The following HINT3 variants were observed in gnomAD, a reference collection of about 807,000 sequenced individuals.
HINT3 encodes adenosine 5'-monophosphoramidase HINT3.
HINT3 carries 16 observed loss-of-function variants against 19.1 expected under a neutral mutation model. The observed-to-expected ratio is 0.84, with a 90% CI of 0.57 to 1.27. The LOEUF is 1.27. HINT3 is among the 50% of genes most tolerant of loss of function. The probability of loss-of-function intolerance (pLI) is 0.00; values close to 1 mark genes in which losing one functional copy is unlikely to be tolerated. For missense variants in HINT3, 197 were observed against 225.8 expected, an observed-to-expected ratio of 0.87 and a Z score of 0.82; for synonymous variants, 75 against 84.8, an observed-to-expected ratio of 0.88 and a Z score of 0.63.
intron 1 of HINT3, 43 bp downstream of exon 1, chr6:125,957,221 G>T: frequency 2.0e-6 from 3 of 1,502,530 alleles, no homozygotes; most frequent in Non-Finnish European, 8.9e-7. Flanking sequence ...GGACCTGGCC[G>T]CCCCTCGGAG....
intron 1 of HINT3, among the ~76,000 whole-genome samples, chr6:125,965,666 C>G (rs1156828681): frequency 2.0e-5 from 3 of 151,950 alleles, no homozygotes; most frequent in Admixed American, 6.6e-5. Flanking sequence ...GTGGGAGGAT[C>G]AACTGAGCTC....
intron 3 of HINT3, among the ~76,000 whole-genome samples, chr6:125,974,213 G>C (rs1042165409): frequency 4.4e-4 from 67 of 152,170 alleles, no homozygotes; most frequent in African/African-American, 1.6e-3. Context: ...TTATTTTTAA[G>C]AGTTTAAATC....
chr6:125,973,393 A>G (rs1341396901), intron 3 of HINT3, among the ~76,000 whole-genome samples: 2 of 151,980 alleles, frequency 1.3e-5, no homozygotes, highest in Non-Finnish European at 2.9e-5. Flanking sequence ...CAAATGTTTT[A>G]ATTTGTCTAA....
chr6:125,973,420 T>C (rs1304015937), intron 3 of HINT3, among the ~76,000 whole-genome samples: 1 of 152,148 alleles, frequency 6.6e-6, no homozygotes, highest in Non-Finnish European at 1.5e-5. Context: ...TTTTTCTTTT[T>C]AAAAGGTTTC....
intron 1 of HINT3, among the ~76,000 whole-genome samples, chr6:125,959,641 C>T (rs1788889496): frequency 6.6e-6 from 1 of 152,202 alleles, no homozygotes; most frequent in Non-Finnish European, 1.5e-5. Context: ...AGACAACTCT[C>T]ACAGGAATTT....
rs1583589620 is a variant in HINT3 at position 125,966,354 on chromosome 6, A to AGCATT, written c.202-533_202-532insGCATT. ...TTGTTTCAGCATTTCAGTCTTTTTA[A>AGCATT]TACTGTAAAGTGGCAAGTAAAAAAG... is the stretch of plus-strand genomic sequence containing the variant. On this transcript the variant is annotated intron_variant, in intron 1 of 4. Transcript: ENST00000229633. 2.6e-5 allele frequency among the ~76,000 whole-genome samples: 4 copies of AGCATT among 152,198 alleles called. No homozygotes were observed. In the East Asian group the frequency reaches 5.8e-4, roughly 22 times the overall value.
rs901831868 is a variant in HINT3 at position 125,956,899 on chromosome 6, G to C, written c.-79G>C. The C allele has an allele frequency of 1.5e-5, 21 of 1,398,136 alleles. No homozygotes were observed. The highest frequency in any genetic ancestry group is 1.7e-5 in the Non-Finnish European group (17 of 1,028,132). 86.6% of individuals were successfully genotyped at this position (1,398,136 alleles called of 1,614,324 possible). Reference sequence around the variant, plus strand: ...GGGCGACGTCTCGAGGTAAAACGGAGGAGGTGCGGGACGCGGAGACTGCGC... The same window carrying C: ...GGGCGACGTCTCGAGGTAAAACGGACGAGGTGCGGGACGCGGAGACTGCGC... On this transcript the variant is annotated 5_prime_UTR_variant, in exon 1 of 5. Coordinates refer to ENST00000229633, the MANE Select transcript of HINT3 (RefSeq NM_138571.5).
At chr6:125,962,462 T>C (rs1321822901) in intron 1 of HINT3, among the ~76,000 whole-genome samples, 1 of 151,618 alleles carries the variant, frequency 6.6e-6, no homozygotes, top group Non-Finnish European at 1.5e-5. Flanking sequence ...CATTAAAGGG[T>C]AAAGATTAAT....
At chr6:125,962,360 G>A (rs553970371) in intron 1 of HINT3, among the ~76,000 whole-genome samples, 2 of 140,034 alleles carry the variant, frequency 1.4e-5, no homozygotes, top group African/African-American at 2.7e-5. Flanking sequence ...AATACAAAAC[G>A]TAAGATACAG....
At chr6:125,974,816 T>TGAGAACATGGTAAC in intron 3 of HINT3, 31 bp from the exon 4 acceptor site, 2 of 1,597,320 alleles carry the variant, frequency 1.3e-6, no homozygotes, top group South Asian at 2.2e-5. Flanking sequence ...TAGAACTGGT[T>TGAGAACATGGTAAC]TGTCAATCAT....
intron 2 of HINT3, among the ~76,000 whole-genome samples, chr6:125,971,373 C>T (rs1789094204): frequency 6.6e-6 from 1 of 152,184 alleles, no homozygotes; most frequent in South Asian, 2.1e-4. Context: ...AGTTAGTCCT[C>T]ATATGATCAG....
chr6:125,965,252 A>C (rs1206511521), intron 1 of HINT3, among the ~76,000 whole-genome samples: 4 of 152,158 alleles, frequency 2.6e-5, no homozygotes, highest in Non-Finnish European at 4.4e-5. Flanking sequence ...TAGTTCTGTT[A>C]ATCTAAAGAA....
In HINT3 at chr6:125,962,161, C is replaced by CATAT. The variant is rs1554209716; in HGVS notation, c.202-4725_202-4724insTATA. Among the ~76,000 whole-genome samples the CATAT allele has an allele frequency of 1.1e-4, 11 of 99,826 alleles. 1 individual carries two copies. The highest frequency in any genetic ancestry group is 4.9e-4 in the African/African-American group (11 of 22,472). 65.5% of individuals were successfully genotyped at this position (99,826 alleles called of 152,430 possible). A position where few individuals can be genotyped will look rare whatever the true frequency, so the allele number is the denominator to read the frequency against. On this transcript the variant is annotated intron_variant, in intron 1 of 4. Coordinates refer to ENST00000229633, the MANE Select transcript of HINT3 (RefSeq NM_138571.5). ...GTGGATGGAAACCCATATATATATA[C>CATAT]ACATATATATATATATATATATATA...
At chr6:125,972,610 G>A (rs1198751131) in intron 3 of HINT3, among the ~76,000 whole-genome samples, 1 of 152,134 alleles carries the variant, frequency 6.6e-6, no homozygotes, top group Non-Finnish European at 1.5e-5. Flanking sequence ...AAATTTTTGA[G>A]ATAGGATCTC....
chr6:125,959,319 A>G (rs1179647734), intron 1 of HINT3, among the ~76,000 whole-genome samples: 3 of 152,232 alleles, frequency 2.0e-5, no homozygotes, highest in Non-Finnish European at 2.9e-5. Flanking sequence ...CAGACAGAGG[A>G]AGAGGACCTG....
intron 1 of HINT3, among the ~76,000 whole-genome samples, chr6:125,960,655 T>TGCGGG (rs1554209589): frequency 9.2e-5 from 7 of 76,264 alleles, no homozygotes; most frequent in African/African-American, 1.8e-4. Context: ...AGACTCTCTC[T>TGCGGG]GGGGGGGGGG....
Position 125,977,831 on chromosome 6 carries a change from G to T in HINT3, c.*155G>T. 2.1e-6 allele frequency: 1 copy of T among 480,904 alleles called. No individual in the cohort carries two copies. The highest frequency in any genetic ancestry group is 3.8e-6 in the Non-Finnish European group (1 of 262,192). The allele number at this position is 480,904 out of a possible 1,614,324, so 29.8% of individuals were successfully genotyped here. A position where few individuals can be genotyped will look rare whatever the true frequency, so the allele number is the denominator to read the frequency against. ...TCTTTTCTGAATGTCTGTTTCCTAA[G>T]ATCTGTGATACAGTTATGTGAATAT... On this transcript the variant is annotated 3_prime_UTR_variant, in exon 5 of 5. Coordinates refer to ENST00000229633, the MANE Select transcript of HINT3 (RefSeq NM_138571.5).
chr6:125,962,215 TATATATATATATATATA>T, intron 1 of HINT3, among the ~76,000 whole-genome samples: 1 of 21,404 alleles, frequency 4.7e-5, no homozygotes, highest in Non-Finnish European at 7.9e-5. Context: ...TATATACACA[TATATATATATATATATA>T]TACACATATA....
chr6:125,976,644 T>A (rs1289849861), intron 4 of HINT3, among the ~76,000 whole-genome samples: 2 of 151,814 alleles, frequency 1.3e-5, no homozygotes, highest in Non-Finnish European at 2.9e-5. Flanking sequence ...TTTGTAATGT[T>A]TTGACTGTAT....
Sources: allele counts gnomAD v4.1 joint callset (sites outside exome capture counted in the v4.1 genomes callset), GRCh38; gene constraint gnomAD v4.1.1; transcripts MANE v1.5; gene names NCBI Gene and HGNC (gene_info 2026-07-23, HGNC 2026-07-21).